The following HPSE2 variants were observed in gnomAD, a reference collection of about 807,000 sequenced individuals.
HPSE2 encodes the protein inactive heparanase-2.
Under a neutral mutation model 60.5 loss-of-function variants are expected in HPSE2, and 38 were observed. The observed-to-expected ratio is 0.63, with a 90% confidence interval of 0.48 to 0.82. The LOEUF (loss-of-function observed/expected upper bound fraction) is 0.82. Ranked by LOEUF, HPSE2 falls within the 40% of genes least tolerant of loss-of-function variation. The probability of loss-of-function intolerance (pLI) is 0.00; values close to 1 mark genes in which losing one functional copy is unlikely to be tolerated. For missense variants in HPSE2, 713 were observed against 740.4 expected (o/e 0.96, Z 0.43); for synonymous variants, 295 against 293.2 (o/e 1.01, Z -0.06).
At chr10:98,909,506 T>G (rs928363551) in intron 3 of HPSE2, among the ~76,000 whole-genome samples, 5 of 151,700 alleles carry the variant, frequency 3.3e-5, no homozygotes, top group East Asian at 2.0e-4. Context: ...GGTGGGCGCC[T>G]GTAATCCCAG....
chr10:99,042,040 A>G (rs2135477331), intron 3 of HPSE2, among the ~76,000 whole-genome samples: 1 of 152,318 alleles, frequency 6.6e-6, no homozygotes, highest in South Asian at 2.1e-4. Flanking sequence ...TAAAAACCCA[A>G]GTCATAGCCA....
At chr10:99,147,214 C>T (rs542893900) in intron 2 of HPSE2, among the ~76,000 whole-genome samples, 1 of 152,170 alleles carries the variant, frequency 6.6e-6, no homozygotes, top group Non-Finnish European at 1.5e-5. Flanking sequence ...TTTCAGTGCT[C>T]TTTCCAGAGC....
At position 99,069,720 on chromosome 10, in the gene HPSE2, T is replaced by C. The variant is rs183507726; in HGVS notation, c.610+74518A>G. Among the ~76,000 whole-genome samples, 40 of 151,894 alleles carry C rather than the reference T, an allele frequency of 2.6e-4. No homozygotes were observed. In the East Asian group the frequency reaches 7.8e-3, roughly 30 times the overall value. On this transcript the variant is annotated intron_variant, in intron 3 of 11. Coordinates refer to ENST00000370552, the MANE Select transcript of HPSE2 (RefSeq NM_021828.5). ...AAATTGCAATGATAATAGTCACATC[T>C]AGTATTTACTTAGTACTCAGTGTTT...
At chr10:98,936,108 AAACT>A (rs1954782136) in intron 3 of HPSE2, among the ~76,000 whole-genome samples, 2 of 144,464 alleles carry the variant, frequency 1.4e-5, no homozygotes, top group Non-Finnish European at 3.0e-5. Context: ...TCTCAGGGGA[AAACT>A]GCCTACTAAA....
At chr10:99,227,282 T>C (rs1488359095) in intron 2 of HPSE2, among the ~76,000 whole-genome samples, 1 of 152,022 alleles carries the variant, frequency 6.6e-6, no homozygotes, top group Non-Finnish European at 1.5e-5. Context: ...GAGATAAAGA[T>C]AAAAGATATT....
chr10:99,292,093 T>C, the HPSE2 span, among the ~76,000 whole-genome samples: 1 of 151,966 alleles, frequency 6.6e-6, no homozygotes, highest in African/African-American at 2.4e-5. Context: ...AAATAAAAGG[T>C]TGTAAGGGCC....
chr10:99,184,821 GAGA>G (rs1847936420), intron 2 of HPSE2, among the ~76,000 whole-genome samples: 2 of 24,354 alleles, frequency 8.2e-5, no homozygotes, highest in African/African-American at 2.9e-4. Context: ...TATATATATA[GAGA>G]GAGAGAGAGA....
intron 9 of HPSE2, among the ~76,000 whole-genome samples, chr10:98,601,686 C>T (rs955640954): frequency 6.6e-6 from 1 of 152,234 alleles, no homozygotes; most frequent in Non-Finnish European, 1.5e-5. Context: ...TTGTTTGCTG[C>T]TTCCACAATG....
At chr10:98,941,577 A>G (rs1245764267) in intron 3 of HPSE2, among the ~76,000 whole-genome samples, 1 of 141,782 alleles carries the variant, frequency 7.1e-6, no homozygotes, top group Non-Finnish European at 1.5e-5. Flanking sequence ...ATGAAATAAA[A>G]GAGGATACAA....
chr10:98,544,538 G>A (rs1354491131), intron 9 of HPSE2, among the ~76,000 whole-genome samples: 12 of 151,438 alleles, frequency 7.9e-5, no homozygotes, highest in East Asian at 7.8e-4. Context: ...GTGAAACCCC[G>A]TCTCTACTAA....
At chr10:98,519,369 C>A (rs1942711120) in intron 9 of HPSE2, among the ~76,000 whole-genome samples, 1 of 152,224 alleles carries the variant, frequency 6.6e-6, no homozygotes, top group East Asian at 1.9e-4. Context: ...CCTTCTTTCA[C>A]TGACACATCC....
At chr10:99,079,626 G>C (rs1170826489) in intron 3 of HPSE2, among the ~76,000 whole-genome samples, 25 of 152,050 alleles carry the variant, frequency 1.6e-4, no homozygotes, top group Admixed American at 1.6e-3. Flanking sequence ...AATATGCCAG[G>C]ACCTGTCAGC....
chr10:98,587,265 C>G (rs978696343), intron 9 of HPSE2, among the ~76,000 whole-genome samples: 1 of 152,110 alleles, frequency 6.6e-6, no homozygotes, highest in African/African-American at 2.4e-5. Context: ...AAGGCAAAGC[C>G]TCTTCTCAGC....
chr10:99,309,358 T>G, the HPSE2 span, among the ~76,000 whole-genome samples: 2 of 152,190 alleles, frequency 1.3e-5, no homozygotes, highest in African/African-American at 4.8e-5. Context: ...TCAAACTATT[T>G]AAAAATGAGC....
chr10:98,846,597 G>A (rs543453439), intron 3 of HPSE2, among the ~76,000 whole-genome samples: 2 of 152,262 alleles, frequency 1.3e-5, no homozygotes, highest in Admixed American at 1.3e-4. Flanking sequence ...TAATGAAAAA[G>A]CTTTCAATAA....
chr10:98,724,053 T>C (rs1452231835), intron 4 of HPSE2, among the ~76,000 whole-genome samples: 1 of 152,224 alleles, frequency 6.6e-6, no homozygotes. Flanking sequence ...TTAATTGGGA[T>C]GTTAGGGTGT....
chr10:98,518,875 A>G (rs1012603611), intron 9 of HPSE2, among the ~76,000 whole-genome samples: 2 of 152,212 alleles, frequency 1.3e-5, no homozygotes, highest in Non-Finnish European at 1.5e-5. Context: ...ACGCCTGCAC[A>G]ATATGAGCAC....
chr10:98,953,387 A>G (rs1955422592), intron 3 of HPSE2, among the ~76,000 whole-genome samples: 1 of 152,150 alleles, frequency 6.6e-6, no homozygotes, highest in South Asian at 2.1e-4. Context: ...TGGCCTTATC[A>G]ATGCCAGCTT....
chr10:98,508,784 T>C (rs939478372), intron 9 of HPSE2, among the ~76,000 whole-genome samples: 2 of 152,088 alleles, frequency 1.3e-5, no homozygotes, highest in Non-Finnish European at 2.9e-5. Flanking sequence ...GGAAGGAGTT[T>C]GGTGTGTTTG....
Sources: gnomAD v4.1 joint callset for allele counts (sites outside exome capture counted in the v4.1 genomes callset) on GRCh38, gnomAD v4.1.1 for gene constraint, MANE v1.5 for transcripts, NCBI Gene and HGNC (gene_info 2026-07-23, HGNC 2026-07-21) for gene names.